The following TMTC2 variants were observed in gnomAD, a reference collection of about 807,000 sequenced individuals.
TMTC2 encodes protein O-mannosyl-transferase TMTC2.
A neutral mutation model predicts 82.4 loss-of-function variants in TMTC2; 43 were observed. The observed-to-expected ratio is 0.52, with a 90% CI of 0.41 to 0.67. The LOEUF is 0.67. TMTC2 is among the 30% of genes least tolerant of loss of function. The pLI is 0.00. For synonymous variants in TMTC2, 408 were observed against 381.9 expected, an observed-to-expected ratio of 1.07 and a Z score of -0.80; for missense variants, 919 against 1,012.4, an observed-to-expected ratio of 0.91 and a Z score of 1.25.
chr12:82,954,071 G>T (rs1877486726), intron 4 of TMTC2, among the ~76,000 whole-genome samples: 1 of 151,844 alleles, frequency 6.6e-6, no homozygotes, highest in Admixed American at 6.6e-5. Flanking sequence ...CTCATTCTTG[G>T]TAATATAGTC....
At chr12:83,103,398 G>A (rs1884290379) in intron 11 of TMTC2, among the ~76,000 whole-genome samples, 3 of 152,170 alleles carry the variant, frequency 2.0e-5, no homozygotes, top group South Asian at 4.1e-4. Context: ...TCTATAGGCT[G>A]TACAGGAAGC....
Position 83,086,440 on chromosome 12 carries a change from A to C in TMTC2, c.2331+24609A>C, listed in dbSNP as rs1034155748. ...GAGGACCTCTGGTTTAATGCACAGC[A>C]TTCTGTTCTTGATGGGCGTTGGTTC... On this transcript the variant is annotated intron_variant, in intron 11 of 11. Coordinates refer to ENST00000321196, the MANE Select transcript of TMTC2 (RefSeq NM_152588.3). Among the ~76,000 whole-genome samples the C allele has an allele frequency of 1.2e-4, 18 of 152,186 alleles. 1 individual carries two copies. The highest frequency in any genetic ancestry group is 4.3e-4 in the African/African-American group (18 of 41,442).
At chr12:82,775,725 A>G (rs973648865) in intron 1 of TMTC2, among the ~76,000 whole-genome samples, 3 of 152,104 alleles carry the variant, frequency 2.0e-5, no homozygotes, top group Non-Finnish European at 2.9e-5. Flanking sequence ...TCTAGTAGCA[A>G]TAAAAGCCTG....
intron 11 of TMTC2, among the ~76,000 whole-genome samples, chr12:83,076,620 C>T (rs946325100): frequency 2.0e-5 from 3 of 152,210 alleles, no homozygotes; most frequent in African/African-American, 7.2e-5. Context: ...TGCCCTTCCC[C>T]CATCGCCGGT....
chr12:82,712,068 T>C (rs1420006462), intron 1 of TMTC2, among the ~76,000 whole-genome samples: 1 of 152,188 alleles, frequency 6.6e-6, no homozygotes, highest in Non-Finnish European at 1.5e-5. Flanking sequence ...TTCCTTTCTG[T>C]GCTCCCTCTC....
intron 2 of TMTC2, among the ~76,000 whole-genome samples, chr12:82,876,945 G>A (rs2137148850): frequency 6.6e-6 from 1 of 152,242 alleles, no homozygotes; most frequent in East Asian, 1.9e-4. Flanking sequence ...CTCAGTTAAT[G>A]TGAGCCTTTT....
chr12:82,942,328 A>G (rs1399727310), intron 4 of TMTC2, among the ~76,000 whole-genome samples: 2 of 152,326 alleles, frequency 1.3e-5, no homozygotes, highest in South Asian at 2.1e-4. Flanking sequence ...TATTAATAGG[A>G]TAAGATGTTT....
intron 8 of TMTC2, among the ~76,000 whole-genome samples, chr12:83,011,398 C>G (rs2137386723): frequency 6.6e-6 from 1 of 152,212 alleles, no homozygotes; most frequent in African/African-American, 2.4e-5. Context: ...TTAAATGAGT[C>G]CATACATGAA....
chr12:83,061,377 T>A (rs1260279963), intron 10 of TMTC2, among the ~76,000 whole-genome samples: 1 of 151,814 alleles, frequency 6.6e-6, no homozygotes, highest in Non-Finnish European at 1.5e-5. Context: ...TTACTGTTTT[T>A]ATAAAACGAA....
intron 4 of TMTC2, among the ~76,000 whole-genome samples, chr12:82,944,214 TA>T (rs1876868039): frequency 6.6e-6 from 1 of 152,106 alleles, no homozygotes; most frequent in African/African-American, 2.4e-5. Context: ...TGTATGTGAA[TA>T]ATATGCATAA....
At chr12:82,700,141 A>C (rs531774986) in intron 1 of TMTC2, among the ~76,000 whole-genome samples, 1 of 152,288 alleles carries the variant, frequency 6.6e-6, no homozygotes, top group East Asian at 1.9e-4. Flanking sequence ...CCAAGGGGTG[A>C]CTGTACGTGC....
At chr12:82,778,440 G>C (rs1317526307) in intron 1 of TMTC2, among the ~76,000 whole-genome samples, 1 of 152,140 alleles carries the variant, frequency 6.6e-6, no homozygotes, top group African/African-American at 2.4e-5. Context: ...TCATGGCTGG[G>C]CCCAGTGGCT....
At chr12:82,987,168 T>C (rs950930876) in intron 8 of TMTC2, among the ~76,000 whole-genome samples, 2 of 151,924 alleles carry the variant, frequency 1.3e-5, no homozygotes, top group African/African-American at 4.8e-5. Flanking sequence ...CTTCAAGAAA[T>C]CATGTAACGC....
intron 4 of TMTC2, among the ~76,000 whole-genome samples, chr12:82,940,501 AT>A (rs926196942): frequency 7.9e-5 from 12 of 150,978 alleles, no homozygotes; most frequent in African/African-American, 2.9e-4. Context: ...GGTTATTTAC[AT>A]TTTTTCCTAG....
At position 83,081,206 on chromosome 12, in the gene TMTC2, G is replaced by A. The variant is rs974638317; in HGVS notation, c.2331+19375G>A. Among the ~76,000 whole-genome samples, 9 of 152,290 alleles carry A rather than the reference G, an allele frequency of 5.9e-5. No homozygotes were observed. The South Asian group carries it at 1.7e-3, about 28-fold the overall frequency. ...CACCTTCTCATGTTGTATCTTCAAAGACTATTTAGGAACTTCAAGAAACAT... is the reference window on the plus strand; with the variant it reads ...CACCTTCTCATGTTGTATCTTCAAAAACTATTTAGGAACTTCAAGAAACAT... On this transcript the variant is annotated intron_variant, in intron 11 of 11. Transcript: ENST00000321196.
At chr12:82,811,200 T>A (rs1434386851) in intron 1 of TMTC2, among the ~76,000 whole-genome samples, 1 of 152,142 alleles carries the variant, frequency 6.6e-6, no homozygotes, top group African/African-American at 2.4e-5. Context: ...CACTCCAGCC[T>A]GGGCAACAGA....
At chr12:83,086,521 CTG>C (rs1379142109) in intron 11 of TMTC2, among the ~76,000 whole-genome samples, 1 of 152,140 alleles carries the variant, frequency 6.6e-6, no homozygotes, top group Non-Finnish European at 1.5e-5. Flanking sequence ...CTTAGACTCT[CTG>C]TGTTTCAGTT....
chr12:82,914,225 CAGTT>C (rs1352868751), intron 3 of TMTC2, among the ~76,000 whole-genome samples: 1 of 152,146 alleles, frequency 6.6e-6, no homozygotes, highest in Non-Finnish European at 1.5e-5. Context: ...TTAGAGATCT[CAGTT>C]ATTTACAAAT....
At chr12:82,835,284 CTA>C (rs1213266846) in intron 1 of TMTC2, among the ~76,000 whole-genome samples, 1 of 152,182 alleles carries the variant, frequency 6.6e-6, no homozygotes, top group African/African-American at 2.4e-5. Flanking sequence ...ATTGTAGACA[CTA>C]TAGCTTTTTG....
Sources: gnomAD v4.1 joint callset for allele counts (sites outside exome capture counted in the v4.1 genomes callset) on GRCh38, gnomAD v4.1.1 for gene constraint, MANE v1.5 for transcripts, NCBI Gene and HGNC (gene_info 2026-07-23, HGNC 2026-07-21) for gene names.